The following LRTM1 variants were observed in gnomAD, a reference collection of about 807,000 sequenced individuals.
The protein encoded by LRTM1 is leucine-rich repeat and transmembrane domain-containing protein 1.
Under a neutral mutation model 32.4 loss-of-function variants are expected in LRTM1, and 38 were observed. The ratio of observed to expected loss-of-function variants is 1.17; its 90% confidence interval spans 0.91 to 1.54. LRTM1 has a LOEUF of 1.54. Ranked by LOEUF, LRTM1 falls within the 40% of genes most tolerant of loss-of-function variation. LRTM1 has a pLI of 0.00. For synonymous variants in LRTM1, 186 were observed against 169.9 expected (o/e 1.09, Z -0.74); for missense variants, 466 against 415.4 (o/e 1.12, Z -1.06).
intron 1 of LRTM1, among the ~76,000 whole-genome samples, chr3:54,958,585 A>G (rs1701959109): frequency 1.3e-5 from 2 of 152,170 alleles, no homozygotes; most frequent in African/African-American, 4.8e-5. Flanking sequence ...TGAGTAAAGC[A>G]ATAGTTATTA....
chr3:54,935,651 C>T (rs1433327912), intron 1 of LRTM1, among the ~76,000 whole-genome samples: 2 of 152,106 alleles, frequency 1.3e-5, no homozygotes, highest in African/African-American at 4.8e-5. Flanking sequence ...GTGTTTTTTG[C>T]AGTTCTTGTT....
chr3:54,928,200 C>A (rs1170182248), upstream of LRTM1: 4 of 449,276 alleles, frequency 8.9e-6, no homozygotes, highest in Non-Finnish European at 1.6e-5. Context: ...ATCATCCCTG[C>A]CTTTCCCATT....
chr3:54,944,114 T>C (rs945822556), intron 1 of LRTM1, among the ~76,000 whole-genome samples: 1 of 152,182 alleles, frequency 6.6e-6, no homozygotes, highest in African/African-American at 2.4e-5. Flanking sequence ...TCATACCATT[T>C]CCATATCCTT....
chr3:54,930,251 A>G (rs1004048830), upstream of LRTM1, among the ~76,000 whole-genome samples: 1 of 151,720 alleles, frequency 6.6e-6, no homozygotes, highest in Non-Finnish European at 1.5e-5. Context: ...CCCACCCTCA[A>G]CTCCCACCAC....
intron 1 of LRTM1, among the ~76,000 whole-genome samples, chr3:54,947,701 A>C (rs1180212799): frequency 6.6e-6 from 1 of 152,166 alleles, no homozygotes; most frequent in Non-Finnish European, 1.5e-5. Flanking sequence ...GACTCTTATC[A>C]GTCAGGACTC....
chr3:54,918,496 A>C lies in LRTM1; in HGVS notation c.1001T>G (p.Val334Gly), dbSNP rs978085173. The C allele has an allele frequency of 6.2e-7, 1 of 1,613,520 alleles. No homozygotes were observed. Among genetic ancestry groups the C allele is most frequent in the Non-Finnish European group, 8.5e-7 (1 of 1,179,804 alleles). ...PLAQTNDPGK[V>G]EEKERFDSSP... ...GCTGTCAAATCGCTCTTTTTCTTCCACCTTCCCAGGATCATTGGTTTGAGC... is the reference window on the plus strand; with the variant it reads ...GCTGTCAAATCGCTCTTTTTCTTCCCCCTTCCCAGGATCATTGGTTTGAGC... The change falls in exon 3 of 3, where the codon GTG (valine) becomes GGG (glycine). Residue 334 changes from valine (V) to glycine (G), a missense_variant. Coordinates refer to ENST00000273286, the MANE Select transcript of LRTM1 (RefSeq NM_020678.4).
intron 2 of LRTM1, among the ~76,000 whole-genome samples, chr3:54,922,256 T>C (rs1490800701): frequency 1.3e-5 from 2 of 152,048 alleles, no homozygotes; most frequent in East Asian, 3.9e-4. Context: ...ACCAGCAAGT[T>C]TGTGGCAGAG....
At chr3:54,947,993 A>C (rs1369456099) in intron 1 of LRTM1, among the ~76,000 whole-genome samples, 2 of 152,208 alleles carry the variant, frequency 1.3e-5, no homozygotes, top group African/African-American at 4.8e-5. Context: ...ATCTGGAACC[A>C]CAGATGGGGG....
intron 1 of LRTM1, among the ~76,000 whole-genome samples, chr3:54,963,876 A>G (rs1454479993): frequency 6.6e-6 from 1 of 152,220 alleles, no homozygotes; most frequent in Non-Finnish European, 1.5e-5. Context: ...GTAGATAAGA[A>G]GGAAGTTAGA....
rs117170755 is a variant in LRTM1, at chr3:54,961,340, A to G, written c.-222+5588T>C. ...AAGCTGATGATCTGGATGAGCATTT[A>G]TCTGTACAATTTGGGTTTTGGGAAA... On this transcript the variant is annotated intron_variant, in intron 1 of 2. Transcript: ENST00000493075. 4.6e-4 allele frequency among the ~76,000 whole-genome samples: 70 copies of G among 152,356 alleles called. No individual in the cohort carries two copies. In the East Asian group the frequency reaches 0.013, roughly 28 times the overall value.
At chr3:54,959,337 G>A (rs1701978131) in intron 1 of LRTM1, among the ~76,000 whole-genome samples, 1 of 152,300 alleles carries the variant, frequency 6.6e-6, no homozygotes, top group Non-Finnish European at 1.5e-5. Context: ...AGGGAGCTGG[G>A]TGTGCTTGGG....
At chr3:54,960,348 C>G (rs914030254) in intron 1 of LRTM1, among the ~76,000 whole-genome samples, 1 of 152,162 alleles carries the variant, frequency 6.6e-6, no homozygotes, top group African/African-American at 2.4e-5. Flanking sequence ...TACCAACCCC[C>G]CATACCACAG....
intron 1 of LRTM1, among the ~76,000 whole-genome samples, chr3:54,925,510 G>C (rs9848491): frequency 0.027 from 4,073 of 152,086 alleles, 178 homozygotes; most frequent in African/African-American, 0.093. Context: ...CAAATAGAAG[G>C]GTGAAAAAAA....
chr3:54,956,389 T>G (rs1266704380), intron 1 of LRTM1, among the ~76,000 whole-genome samples: 1 of 152,256 alleles, frequency 6.6e-6, no homozygotes, highest in Non-Finnish European at 1.5e-5. Context: ...AATTTTGCTG[T>G]GTCAGGCTAT....
intron 1 of LRTM1, among the ~76,000 whole-genome samples, chr3:54,927,285 C>G (rs1259903186): frequency 1.3e-5 from 2 of 152,036 alleles, no homozygotes; most frequent in Non-Finnish European, 2.9e-5. Flanking sequence ...GAAAGAGAGT[C>G]TTCTCAGTTT....
At chr3:54,930,410 T>G (rs1254839574), upstream of LRTM1, among the ~76,000 whole-genome samples, 1 of 152,218 alleles carries the variant, frequency 6.6e-6, no homozygotes, top group Admixed American at 6.5e-5. Context: ...TTACCAGCTT[T>G]AAGGGGGCTT....
upstream of LRTM1, among the ~76,000 whole-genome samples, chr3:54,929,518 G>A (rs1206864469): frequency 6.6e-6 from 1 of 152,102 alleles, no homozygotes; most frequent in East Asian, 1.9e-4. Flanking sequence ...GTACTTTGTG[G>A]ACTCTTTCAT....
upstream of LRTM1, among the ~76,000 whole-genome samples, chr3:54,930,991 G>T (rs1701174028): frequency 6.6e-6 from 1 of 151,312 alleles, no homozygotes; most frequent in Non-Finnish European, 1.5e-5. Context: ...AGCTACTCAG[G>T]AGGCTGAGGC....
chr3:54,918,430 A>G lies in LRTM1; in HGVS notation c.*29T>C, dbSNP rs751455963. ...CTCAGACACTATCTTCTGGCCTGCAATGACCAATCCTATTTGAGACAAAAG... is the reference window on the plus strand; with the variant it reads ...CTCAGACACTATCTTCTGGCCTGCAGTGACCAATCCTATTTGAGACAAAAG... On this transcript the variant is annotated 3_prime_UTR_variant, in exon 3 of 3. Coordinates refer to ENST00000273286, the MANE Select transcript of LRTM1 (RefSeq NM_020678.4). 1.1e-5 allele frequency: 18 copies of G among 1,598,670 alleles called. No individual in the cohort carries two copies. Among genetic ancestry groups the G allele is most frequent in the Middle Eastern group, 1.7e-4 (1 of 6,012 alleles).
Sources: allele counts gnomAD v4.1 joint callset (sites outside exome capture counted in the v4.1 genomes callset), GRCh38; gene constraint gnomAD v4.1.1; transcripts MANE v1.5; gene names NCBI Gene and HGNC (gene_info 2026-07-23, HGNC 2026-07-21).